The following RTL4 variants were observed in gnomAD, a reference collection of about 807,000 sequenced individuals.
RTL4 encodes the protein retrotransposon Gag-like protein 4.
A neutral mutation model predicts 5.3 loss-of-function variants in RTL4; 4 were observed. The ratio of observed to expected loss-of-function variants is 0.75; its 90% CI spans 0.37 to 1.72. The LOEUF (loss-of-function observed/expected upper bound fraction) is 1.72, where lower values mean the gene tolerates loss of function less well. Ranked by LOEUF, RTL4 falls within the 40% of genes most tolerant of loss-of-function variation. RTL4 has a pLI of 0.04. For missense variants in RTL4, 260 were observed against 227.1 expected (o/e 1.14, Z -0.93); for synonymous variants, 98 against 87.3 (o/e 1.12, Z -0.68).
chrX:112,304,267 A>G, the RTL4 span, among the ~76,000 whole-genome samples: 1 of 109,865 alleles, frequency 9.1e-6, no homozygotes, highest in Admixed American at 9.7e-5. Flanking sequence ...AAGATGCACT[A>G]CTCCAAAGGC....
At chrX:112,392,320 C>T in the RTL4 span, among the ~76,000 whole-genome samples, 1 of 111,521 alleles carries the variant, frequency 9.0e-6, no homozygotes, top group Non-Finnish European at 1.9e-5. Flanking sequence ...ACAGTCCGGA[C>T]ACTTGTCCAT....
the RTL4 span, among the ~76,000 whole-genome samples, chrX:112,335,682 T>C: frequency 9.0e-6 from 1 of 110,641 alleles, no homozygotes; most frequent in Non-Finnish European, 1.9e-5. Context: ...TCTAAGAATC[T>C]TTCTTAATTC....
chrX:112,442,021 G>T, the RTL4 span, among the ~76,000 whole-genome samples: 3 of 111,848 alleles, frequency 2.7e-5, no homozygotes, highest in Admixed American at 9.5e-5. Context: ...AGACACAAAA[G>T]CCCAAATATT....
At chrX:112,337,646 T>C in the RTL4 span, among the ~76,000 whole-genome samples, 2 of 111,941 alleles carry the variant, frequency 1.8e-5, no homozygotes, top group Non-Finnish European at 3.8e-5. Context: ...TTCAATGCTC[T>C]TATTTCTTAT....
the RTL4 span, among the ~76,000 whole-genome samples, chrX:112,372,134 ATTC>A: frequency 2.7e-5 from 3 of 110,982 alleles, no homozygotes; most frequent in Admixed American, 2.9e-4. Context: ...TCACTATCTC[ATTC>A]TTCTTTCTCA....
the RTL4 span, among the ~76,000 whole-genome samples, chrX:112,184,528 TC>T: frequency 1.8e-5 from 2 of 111,912 alleles, no homozygotes; most frequent in Non-Finnish European, 3.8e-5. Flanking sequence ...TCCCACTTTC[TC>T]CCAAGAGAAG....
At chrX:112,207,425 C>T in the RTL4 span, among the ~76,000 whole-genome samples, 1 of 111,920 alleles carries the variant, frequency 8.9e-6, no homozygotes, top group South Asian at 3.7e-4. Context: ...GGACTTACGA[C>T]TATCTGAAAA....
chrX:112,199,849 C>T, the RTL4 span, among the ~76,000 whole-genome samples: 2 of 112,267 alleles, frequency 1.8e-5, no homozygotes, highest in African/African-American at 6.5e-5. Context: ...TGCTCTGGAT[C>T]ATCCTCACAT....
chrX:112,282,874 A>C, the RTL4 span, among the ~76,000 whole-genome samples: 2 of 111,990 alleles, frequency 1.8e-5, no homozygotes, highest in Non-Finnish European at 3.8e-5. Context: ...AAAGACTGCT[A>C]TTTGACATAA....
the RTL4 span, among the ~76,000 whole-genome samples, chrX:112,252,464 A>G: frequency 2.7e-5 from 3 of 112,099 alleles, no homozygotes; most frequent in African/African-American, 9.7e-5. Context: ...TATGAGAGAG[A>G]GACAGAGATT....
At chrX:112,088,308 T>A in the RTL4 span, among the ~76,000 whole-genome samples, 192 of 110,629 alleles carry the variant, frequency 1.7e-3, 4 homozygotes, top group East Asian at 0.042. Flanking sequence ...TCATACAATG[T>A]CTACCCTTTT....
the RTL4 span, among the ~76,000 whole-genome samples, chrX:112,409,953 AC>A: frequency 3.6e-5 from 4 of 111,033 alleles, no homozygotes; most frequent in South Asian, 1.5e-3. Context: ...TAAAAAAAAA[AC>A]AAGACTCAAC....
chrX:112,091,312 T>G, the RTL4 span, among the ~76,000 whole-genome samples: 43 of 111,796 alleles, frequency 3.8e-4, no homozygotes, highest in Non-Finnish European at 6.4e-4. Context: ...TTTGTTCTAT[T>G]ACTAGTTCCT....
At chrX:112,266,314 C>T in the RTL4 span, among the ~76,000 whole-genome samples, 1 of 111,536 alleles carries the variant, frequency 9.0e-6, no homozygotes, top group East Asian at 2.8e-4. Flanking sequence ...TTGGTTTAAA[C>T]AAATACCGGG....
chrX:112,219,403 C>T, the RTL4 span, among the ~76,000 whole-genome samples: 4 of 112,069 alleles, frequency 3.6e-5, no homozygotes, highest in East Asian at 2.8e-4. Flanking sequence ...CCTCAAAAAA[C>T]GGACATGTGG....
the RTL4 span, among the ~76,000 whole-genome samples, chrX:112,359,904 T>G: frequency 9.0e-6 from 1 of 111,408 alleles, no homozygotes; most frequent in African/African-American, 3.3e-5. Context: ...ATTTTTCAAA[T>G]GGGAGCAGTA....
chrX:112,196,891 T>C, the RTL4 span, among the ~76,000 whole-genome samples: 1 of 110,848 alleles, frequency 9.0e-6, no homozygotes, highest in Non-Finnish European at 1.9e-5. Context: ...CGCTAGTCCT[T>C]AGTCTTCACA....
At chrX:112,298,649 A>C in the RTL4 span, among the ~76,000 whole-genome samples, 1 of 112,631 alleles carries the variant, frequency 8.9e-6, no homozygotes, top group Non-Finnish European at 1.9e-5. Flanking sequence ...TCTGTACAGT[A>C]GGTTTGTTTA....
At chrX:112,316,002 G>A in the RTL4 span, among the ~76,000 whole-genome samples, 1 of 111,911 alleles carries the variant, frequency 8.9e-6, no homozygotes, top group African/African-American at 3.2e-5. Flanking sequence ...TTCATGAGAC[G>A]GAGTTATGCC....
Sources: gnomAD v4.1 joint callset for allele counts (sites outside exome capture counted in the v4.1 genomes callset) on GRCh38, gnomAD v4.1.1 for gene constraint, MANE v1.5 for transcripts, NCBI Gene and HGNC (gene_info 2026-07-23, HGNC 2026-07-21) for gene names.